The following RCOR3 variants were observed in gnomAD, a reference collection of about 807,000 sequenced individuals.
RCOR3 encodes the protein REST corepressor 3.
In RCOR3, 13 loss-of-function variants were observed where a neutral mutation model predicts 64.1. The ratio of observed to expected loss-of-function variants is 0.20; its 90% CI spans 0.13 to 0.32. The LOEUF is 0.32. RCOR3 is among the 10% of genes least tolerant of loss of function. RCOR3 has a pLI of 1.00. For missense variants in RCOR3, 489 were observed against 701.2 expected, an observed-to-expected ratio of 0.70 and a Z score of 3.42; for synonymous variants, 215 against 239.0, an observed-to-expected ratio of 0.90 and a Z score of 0.93.
intron 8 of RCOR3, among the ~76,000 whole-genome samples, chr1:211,291,055 T>C (rs1484814720): frequency 2.0e-5 from 3 of 152,160 alleles, no homozygotes; most frequent in Non-Finnish European, 4.4e-5. Context: ...AATATTACAG[T>C]AGTCCTCCCT....
Position 211,312,914 on chromosome 1 carries a change from A to C in RCOR3, c.1270A>C (p.Ser424Arg), listed in dbSNP as rs1701640276. Reference sequence around the variant, plus strand: ...TTCTACTTTAGGGGAGGAGACAAAAAGTGCTTCTAATGTGCCATCAGGGAA... The same window carrying C: ...TTCTACTTTAGGGGAGGAGACAAAACGTGCTTCTAATGTGCCATCAGGGAA... ...DASTLGEETK[S>R]ASNVPSGKST... Residue 424 changes from serine to arginine, a missense_variant, in exon 11 of 12, where the codon AGT becomes CGT. Physicochemically the swap from Ser to Arg is moderately radical, Grantham distance 110. Coordinates refer to ENST00000419091, the MANE Select transcript of RCOR3 (RefSeq NM_001136223.3). This position sits in a 1 kb window ranked among gnomAD's most constrained non-coding sequence, Gnocchi z 5.0. 1 of 1,614,206 alleles carries C rather than the reference A, an allele frequency of 6.2e-7. No homozygotes were observed. The highest frequency in any genetic ancestry group is 8.5e-7 in the Non-Finnish European group (1 of 1,180,026).
At chr1:211,272,175 G>A (rs1158734461) in intron 3 of RCOR3, among the ~76,000 whole-genome samples, 1 of 152,164 alleles carries the variant, frequency 6.6e-6, no homozygotes, top group African/African-American at 2.4e-5. Flanking sequence ...TAAAACACCA[G>A]CTAAAGGTCT....
intron 10 of RCOR3, among the ~76,000 whole-genome samples, chr1:211,308,934 A>C (rs1173094841): frequency 1.3e-5 from 2 of 151,228 alleles, no homozygotes; most frequent in African/African-American, 2.4e-5. Context: ...CTGGTCTCGA[A>C]CTCCTGACTT....
intron 7 of RCOR3, among the ~76,000 whole-genome samples, chr1:211,287,148 G>C (rs897417933): frequency 1.3e-5 from 2 of 152,184 alleles, no homozygotes; most frequent in Admixed American, 6.5e-5. Flanking sequence ...GGAGGACTGT[G>C]GTTGGGGCAC....
rs768921675 is a variant in RCOR3, at chr1:211,292,535, AACTT to A, written c.939+3140_940-3137del. Among the ~76,000 whole-genome samples the A allele has an allele frequency of 1.7e-3, 256 of 152,284 alleles. 1 individual carries two copies. The highest frequency in any genetic ancestry group is 3.1e-3 in the Non-Finnish European group (213 of 68,020). ...AAGGCACTTTAAGCTTTAACTTCCT[AACTT>A]GGTTATTCATTTGATGTGTGACACA... On this transcript the variant is annotated intron_variant, in intron 8 of 11. Transcript: ENST00000419091.
Position 211,308,206 on chromosome 1 carries a change from A to G in RCOR3, c.1075+4066A>G, listed in dbSNP as rs546493828. ...CAGACACCATAAGAACGGAGGTTCA[A>G]AAGTATAATTGTCAGCCCTCTGATA... On this transcript the variant is annotated intron_variant, in intron 10 of 11. Coordinates refer to ENST00000419091, the MANE Select transcript of RCOR3 (RefSeq NM_001136223.3). Among the ~76,000 whole-genome samples the G allele has an allele frequency of 9.8e-5, 15 of 152,360 alleles. No homozygotes were observed. The South Asian group carries it at 3.1e-3, about 32-fold the overall frequency.
chr1:211,307,167 A>C (rs1390566533), intron 10 of RCOR3, among the ~76,000 whole-genome samples: 1 of 152,164 alleles, frequency 6.6e-6, no homozygotes, highest in Non-Finnish European at 1.5e-5. Flanking sequence ...CTTGATATTC[A>C]TATGATAAAC....
Position 211,315,295 on chromosome 1 carries a change from A to C in RCOR3, c.*1527A>C, listed in dbSNP as rs1701807737. The C allele has an allele frequency of 6.6e-6, 1 of 152,202 alleles. No homozygotes were observed. The highest frequency in any genetic ancestry group is 2.4e-5 in the African/African-American group (1 of 41,462). The allele number at this position is 152,202 out of a possible 1,614,324, so 9.4% of individuals were successfully genotyped here. ...TGTTTTGAAAGATCATGTGTTCCCA[A>C]AGTATTCCCTATTGTTGGCTCCACA... is the stretch of plus-strand genomic sequence containing the variant. On this transcript the variant is annotated 3_prime_UTR_variant, in exon 12 of 12. Transcript: ENST00000419091.
chr1:211,295,223 A>G (rs1699744117), intron 8 of RCOR3, among the ~76,000 whole-genome samples: 1 of 152,054 alleles, frequency 6.6e-6, no homozygotes, highest in African/African-American at 2.4e-5. Flanking sequence ...CTTACCTCAC[A>G]GAGTGGTTTT....
At chr1:211,275,291 G>A (rs1696813285) in intron 4 of RCOR3, among the ~76,000 whole-genome samples, 2 of 152,014 alleles carry the variant, frequency 1.3e-5, no homozygotes, top group South Asian at 4.1e-4. Flanking sequence ...GAATGTTTTT[G>A]TGAAATTGAG....
intron 7 of RCOR3, among the ~76,000 whole-genome samples, chr1:211,288,598 ATTAT>A (rs1039786051): frequency 8.2e-5 from 12 of 147,114 alleles, no homozygotes; most frequent in Admixed American, 3.4e-4. Context: ...TATTATATTT[ATTAT>A]TTATTTTATT....
intron 7 of RCOR3, among the ~76,000 whole-genome samples, chr1:211,282,984 T>G (rs1009785941): frequency 6.6e-6 from 1 of 152,220 alleles, no homozygotes; most frequent in Non-Finnish European, 1.5e-5. Flanking sequence ...CTTCAGTACT[T>G]GCCTTTTGTT....
intron 4 of RCOR3, among the ~76,000 whole-genome samples, chr1:211,274,937 T>C (rs1300812136): frequency 6.6e-6 from 1 of 151,680 alleles, no homozygotes; most frequent in Non-Finnish European, 1.5e-5. Flanking sequence ...AGTAATGTCA[T>C]TGAATTTAGT....
At position 211,289,740 on chromosome 1, in the gene RCOR3, A is replaced by G. The variant is rs1699010143; in HGVS notation, c.939+344A>G. 2.0e-5 allele frequency among the ~76,000 whole-genome samples: 3 copies of G among 152,222 alleles called. No individual in the cohort carries two copies. In the South Asian group the frequency reaches 6.2e-4, roughly 32 times the overall value. On this transcript the variant is annotated intron_variant, in intron 8 of 11. Transcript: ENST00000419091. ...TGTAGATTGTTTAGTAGTGCTTGGCACATTTTGAGTGCTCAGTGAGTGATG... is the reference window on the plus strand; with the variant it reads ...TGTAGATTGTTTAGTAGTGCTTGGCGCATTTTGAGTGCTCAGTGAGTGATG...
chr1:211,276,090 A>G (rs1456580333), intron 4 of RCOR3, among the ~76,000 whole-genome samples, 167 bp from the exon 5 acceptor site: 1 of 152,212 alleles, frequency 6.6e-6, no homozygotes, highest in Non-Finnish European at 1.5e-5. Flanking sequence ...AGAAATAAAT[A>G]AATGAGGTCT....
intron 10 of RCOR3, among the ~76,000 whole-genome samples, chr1:211,310,944 CTG>C (rs1019416769): frequency 6.6e-6 from 1 of 152,124 alleles, no homozygotes; most frequent in African/African-American, 2.4e-5. Flanking sequence ...AAATTAGTAA[CTG>C]ATAGAACACT....
chr1:211,279,525 A>C (rs1230580475), intron 7 of RCOR3, among the ~76,000 whole-genome samples: 1 of 152,210 alleles, frequency 6.6e-6, no homozygotes, highest in East Asian at 1.9e-4. Context: ...AAAAGATCTG[A>C]GTTTGTTTAA....
chr1:211,262,979 G>A (rs1267080722), intron 2 of RCOR3, among the ~76,000 whole-genome samples: 1 of 149,362 alleles, frequency 6.7e-6, no homozygotes, highest in Non-Finnish European at 1.5e-5. Flanking sequence ...CCATTAACTC[G>A]TCATTTAGCA....
chr1:211,260,078 T>C (rs9887769), intron 1 of RCOR3, 30 bp from the exon 2 acceptor site: 1 of 1,556,702 alleles, frequency 6.4e-7, no homozygotes. Flanking sequence ...TTTTTATTTT[T>C]TATATATATT....
Sources: allele counts gnomAD v4.1 joint callset (sites outside exome capture counted in the v4.1 genomes callset), GRCh38; gene constraint gnomAD v4.1.1; non-coding constraint Gnocchi (gnomAD v3.1); transcripts MANE v1.5; gene names NCBI Gene and HGNC (gene_info 2026-07-23, HGNC 2026-07-21).